The following RAB1A variants were observed in gnomAD, a reference collection of about 807,000 sequenced individuals.
RAB1A encodes the protein RAB1A, member RAS oncogene family, also known as ras-related protein Rab-1A.
In RAB1A, 2 loss-of-function variants were observed where a neutral mutation model predicts 26.0. The ratio of observed to expected loss-of-function variants is 0.08; its 90% CI spans 0.03 to 0.24. The LOEUF (loss-of-function observed/expected upper bound fraction) is 0.24, where lower values mean the gene tolerates loss of function less well. Ranked by LOEUF, RAB1A falls within the 10% of genes least tolerant of loss-of-function variation. The pLI, the probability that RAB1A is intolerant of heterozygous loss-of-function variation, is 1.00. For synonymous variants in RAB1A, 84 were observed against 84.9 expected (o/e 0.99, Z 0.06); for missense variants, 100 against 247.0 (o/e 0.40, Z 3.99).
chr2:65,088,532 C>T lies in RAB1A; in HGVS notation c.579G>A (p.Gln193=), dbSNP rs1669091203. Residue 193 remains glutamine (Q), a synonymous_variant, in exon 6 of 6, where the codon CAG becomes CAA. Transcript: ENST00000409784. ...GGAEKSNVKI[Q]STPVKQSGGG... Reference sequence around the variant, plus strand: ...CACCTGACTGCTTGACTGGAGTGCTCTGAATTTTAACATTGGACTTCTCAG... The same window carrying T: ...CACCTGACTGCTTGACTGGAGTGCTTTGAATTTTAACATTGGACTTCTCAG... The T allele has an allele frequency of 8.7e-6, 14 of 1,613,058 alleles. No homozygotes were observed. Among genetic ancestry groups the T allele is most frequent in the Non-Finnish European group, 1.1e-5 (13 of 1,179,610 alleles).
chr2:65,098,160 TAAAAA>T, intron 2 of RAB1A, 94 bp from the exon 3 acceptor site: 2 of 677,390 alleles, frequency 3.0e-6, no homozygotes, highest in Non-Finnish European at 2.3e-6. Flanking sequence ...CAAGAGTAAA[TAAAAA>T]AAAAGTTTAC....
intron 1 of RAB1A, among the ~76,000 whole-genome samples, chr2:65,119,810 G>A (rs1438431259): frequency 9.1e-6 from 1 of 110,218 alleles, no homozygotes; most frequent in East Asian, 2.9e-4. Context: ...CCAGAGACAA[G>A]CCTGGGTAAC....
intron 3 of RAB1A, among the ~76,000 whole-genome samples, chr2:65,095,349 A>G (rs1669258883): frequency 6.6e-6 from 1 of 151,768 alleles, no homozygotes; most frequent in African/African-American, 2.4e-5. Context: ...CACTGCGCCC[A>G]GCCTTATTTT....
chr2:65,120,548 A>G (rs1360300627), intron 1 of RAB1A, among the ~76,000 whole-genome samples: 2 of 151,336 alleles, frequency 1.3e-5, no homozygotes, highest in Non-Finnish European at 2.9e-5. Flanking sequence ...ACATTTTAAT[A>G]TTGATAATGA....
intron 1 of RAB1A, among the ~76,000 whole-genome samples, chr2:65,111,769 G>C (rs1018805010): frequency 6.6e-6 from 1 of 152,116 alleles, no homozygotes; most frequent in Non-Finnish European, 1.5e-5. Flanking sequence ...AAGGGTTTTA[G>C]AAAAGGTTTT....
At chr2:65,093,718 G>A (rs1669222254) in intron 3 of RAB1A, among the ~76,000 whole-genome samples, 2 of 151,462 alleles carry the variant, frequency 1.3e-5, no homozygotes, top group South Asian at 2.1e-4. Flanking sequence ...CGCCTCCTGG[G>A]TTCAAGTGAT....
At chr2:65,094,185 G>A (rs1669233245) in intron 3 of RAB1A, among the ~76,000 whole-genome samples, 1 of 151,686 alleles carries the variant, frequency 6.6e-6, no homozygotes, top group Admixed American at 6.6e-5. Context: ...GCCCATACTG[G>A]TCTTGAACTC....
intron 1 of RAB1A, among the ~76,000 whole-genome samples, chr2:65,120,808 A>T (rs1012107532): frequency 1.3e-5 from 2 of 152,232 alleles, no homozygotes; most frequent in African/African-American, 2.4e-5. Context: ...GACAAAGAGT[A>T]ATTCCACTTA....
chr2:65,106,369 T>C, intron 1 of RAB1A: 1 of 338,862 alleles, frequency 3.0e-6, no homozygotes, highest in East Asian at 1.1e-4. Flanking sequence ...AGATTAAAAT[T>C]ATTTACATGT....
intron 1 of RAB1A, among the ~76,000 whole-genome samples, chr2:65,121,705 G>C (rs1669966805): frequency 6.6e-6 from 1 of 152,090 alleles, no homozygotes; most frequent in African/African-American, 2.4e-5. Context: ...TTACATTCCA[G>C]ATATCAAAGC....
Position 65,088,198 on chromosome 2 carries a change from T to C in RAB1A, c.*295A>G, listed in dbSNP as rs1183782815. 7.1e-6 allele frequency: 2 copies of C among 282,010 alleles called. No homozygotes were observed. The highest frequency in any genetic ancestry group is 4.4e-5 in the African/African-American group (2 of 45,666). 17.5% of individuals were successfully genotyped at this position (282,010 alleles called of 1,614,324 possible). ...CCAATATAAACATCAAAACAAAATA[T>C]ATTCTAACCAACCACGGGAAACAGT... On this transcript the variant is annotated 3_prime_UTR_variant, in exon 6 of 6. Coordinates refer to ENST00000409784, the MANE Select transcript of RAB1A (RefSeq NM_004161.5).
At chr2:65,104,990 G>A in intron 1 of RAB1A, 184 bp from the exon 2 acceptor site, 1 of 699,946 alleles carries the variant, frequency 1.4e-6, no homozygotes, top group Non-Finnish European at 2.6e-6. Context: ...CACTAAACAT[G>A]ATAAAATTAT....
chr2:65,094,210 T>C (rs1669233691), intron 3 of RAB1A, among the ~76,000 whole-genome samples: 1 of 152,128 alleles, frequency 6.6e-6, no homozygotes, highest in Non-Finnish European at 1.5e-5. Flanking sequence ...ACTCAAGAGA[T>C]CTGCCTGCCT....
At chr2:65,102,428 G>A (rs907224180) in intron 2 of RAB1A, among the ~76,000 whole-genome samples, 6 of 151,972 alleles carry the variant, frequency 3.9e-5, no homozygotes, top group Non-Finnish European at 7.4e-5. Flanking sequence ...CATCAGAAAA[G>A]TCATATGTAT....
intron 2 of RAB1A, among the ~76,000 whole-genome samples, chr2:65,101,497 ATTGGAAAACCT>A (rs1367413078): frequency 6.6e-6 from 1 of 152,170 alleles, no homozygotes; most frequent in Non-Finnish European, 1.5e-5. Context: ...TCCAGGTATT[ATTGGAAAACCT>A]TTGACTTCAA....
At position 65,108,698 on chromosome 2, in the gene RAB1A, T is replaced by C. The variant is rs527759707; in HGVS notation, c.24-3892A>G. Among the ~76,000 whole-genome samples the C allele has an allele frequency of 1.3e-3, 204 of 151,876 alleles. 1 individual carries two copies. Among genetic ancestry groups the C allele is most frequent in the African/African-American group, 4.9e-3 (202 of 41,416 alleles). ...GCGCATGCCTGTAATCCCAGCTACT[T>C]GGGAGGCAAAGGCAGGAGAATCACT... On this transcript the variant is annotated intron_variant, in intron 1 of 5. Transcript: ENST00000409784.
chr2:65,128,578 T>C (rs548434076), intron 1 of RAB1A, among the ~76,000 whole-genome samples: 59 of 152,312 alleles, frequency 3.9e-4, no homozygotes, highest in African/African-American at 1.3e-3. Flanking sequence ...GTGCAAAAGA[T>C]TTCAGCTTCA....
At chr2:65,117,003 G>A (rs1002127043) in intron 1 of RAB1A, among the ~76,000 whole-genome samples, 1 of 152,194 alleles carries the variant, frequency 6.6e-6, no homozygotes, top group African/African-American at 2.4e-5. Context: ...GAAGGGTAAA[G>A]TTAAAAGCCC....
intron 1 of RAB1A, among the ~76,000 whole-genome samples, chr2:65,106,168 T>C (rs917995748): frequency 1.3e-5 from 2 of 152,140 alleles, no homozygotes; most frequent in Non-Finnish European, 2.9e-5. Flanking sequence ...TCACCCACAG[T>C]CTCCAAGGAA....
Sources: gnomAD v4.1 joint callset for allele counts (sites outside exome capture counted in the v4.1 genomes callset) on GRCh38, gnomAD v4.1.1 for gene constraint, MANE v1.5 for transcripts, NCBI Gene and HGNC (gene_info 2026-07-23, HGNC 2026-07-21) for gene names.